The following NDST1 variants were observed in gnomAD, a reference collection of about 807,000 sequenced individuals.
NDST1 encodes bifunctional heparan sulfate N-deacetylase/N-sulfotransferase 1.
A neutral mutation model predicts 92.8 loss-of-function variants in NDST1; 35 were observed. That is an observed-to-expected ratio of 0.38 (90% CI 0.29 to 0.50). NDST1 has a LOEUF of 0.50. Ranked by LOEUF, NDST1 falls within the 20% of genes least tolerant of loss-of-function variation. The pLI is 0.94. For missense variants in NDST1, 822 were observed against 1,182.7 expected, an observed-to-expected ratio of 0.69 and a Z score of 4.47; for synonymous variants, 493 against 500.3, an observed-to-expected ratio of 0.99 and a Z score of 0.19.
rs1389308972 is a variant in NDST1, at chr5:150,539,544, T to C, written c.1566+188T>C. 2.8e-6 allele frequency: 4 copies of C among 1,451,254 alleles called. No homozygotes were observed. In the East Asian group the frequency reaches 1.0e-4, roughly 36 times the overall value. 89.9% of individuals were successfully genotyped at this position (1,451,254 alleles called of 1,614,324 possible). ...TGACCTTGGCTAAAGAATCCGAGCA[T>C]GCTTTTTTTTTCCTTTCCTAATCAT... On this transcript the variant is annotated intron_variant, in intron 7 of 14. Transcript: ENST00000261797.
Position 150,556,630 on chromosome 5 carries a change from T to A in NDST1, c.*3298T>A, listed in dbSNP as rs1581420088. Reference sequence around the variant, plus strand: ...ATGTATATGTTTTCTCTGTCCTAATTTAAAAGTACATTGCAAACATCATGA... The same window carrying A: ...ATGTATATGTTTTCTCTGTCCTAATATAAAAGTACATTGCAAACATCATGA... On this transcript the variant is annotated 3_prime_UTR_variant, in exon 15 of 15. Coordinates refer to ENST00000261797, the MANE Select transcript of NDST1 (RefSeq NM_001543.5). 1 of 152,234 alleles carries A rather than the reference T, an allele frequency of 6.6e-6. No homozygotes were observed. Among genetic ancestry groups the A allele is most frequent in the Non-Finnish European group, 1.5e-5 (1 of 68,050 alleles). 9.4% of individuals were successfully genotyped at this position (152,234 alleles called of 1,614,324 possible).
rs747089755 is a variant in NDST1 at position 150,535,781 on chromosome 5, G to A, written c.1333G>A (p.Glu445Lys). ...GVYPVHVQLY[E>K]AWKQVWSIRV... ...GTACCCCGTGCACGTGCAGCTGTAC[G>A]AGGCTTGGAAGCAGGTGTGGAGCAT... Residue 445 changes from glutamate to lysine, a missense_variant, in exon 6 of 15, where the codon GAG (glutamate) becomes AAG (lysine). Coordinates refer to ENST00000261797, the MANE Select transcript of NDST1 (RefSeq NM_001543.5). 5.6e-6 allele frequency: 9 copies of A among 1,614,100 alleles called. No individual in the cohort carries two copies. Among genetic ancestry groups the A allele is most frequent in the African/African-American group, 4.0e-5 (3 of 74,942 alleles).
At chr5:150,517,260 C>T (rs910417250) in intron 1 of NDST1, among the ~76,000 whole-genome samples, 3 of 151,678 alleles carry the variant, frequency 2.0e-5, no homozygotes, top group African/African-American at 4.8e-5. Flanking sequence ...AAGTGATCCT[C>T]CTGAGTAGCT....
chr5:150,552,394 A>G (rs762048560), intron 14 of NDST1, among the ~76,000 whole-genome samples: 28 of 152,216 alleles, frequency 1.8e-4, no homozygotes, highest in Non-Finnish European at 3.2e-4. Flanking sequence ...CATAGGGGGA[A>G]AAAAGAAATT....
intron 1 of NDST1, among the ~76,000 whole-genome samples, chr5:150,508,526 C>T (rs1333448396): frequency 1.3e-5 from 2 of 152,262 alleles, no homozygotes; most frequent in African/African-American, 4.8e-5. Context: ...AGGAAGGGCT[C>T]AGTTTCTCCT....
At chr5:150,548,192 T>G in intron 11 of NDST1, 26 bp from the exon 12 acceptor site, 1 of 1,614,100 alleles carries the variant, frequency 6.2e-7, no homozygotes, top group Non-Finnish European at 8.5e-7. Context: ...CCAAGTGGCA[T>G]GCTGACCCTC....
chr5:150,507,083 T>G (rs977062939), upstream of NDST1, among the ~76,000 whole-genome samples: 1 of 152,196 alleles, frequency 6.6e-6, no homozygotes, highest in Non-Finnish European at 1.5e-5. Flanking sequence ...CTGTCACCAC[T>G]GCTGGGCCTG....
At chr5:150,529,652 A>G (rs1381441457) in intron 3 of NDST1, among the ~76,000 whole-genome samples, 4 of 152,256 alleles carry the variant, frequency 2.6e-5, no homozygotes, top group African/African-American at 9.6e-5. Context: ...AATAAATCCA[A>G]TGAAAACAAA....
chr5:150,550,663 C>T (rs896841817), intron 13 of NDST1: 1 of 152,212 alleles, frequency 6.6e-6, no homozygotes, highest in African/African-American at 2.4e-5. Context: ...AGTTTTGCAA[C>T]AAGAATATTC....
chr5:150,539,546 C>CA, intron 7 of NDST1, 190 bp downstream of exon 7: 2 of 1,438,358 alleles, frequency 1.4e-6, no homozygotes, highest in Non-Finnish European at 9.1e-7. Context: ...TCCGAGCATG[C>CA]TTTTTTTTTC....
At chr5:150,537,490 G>A (rs1054379293) in intron 6 of NDST1, among the ~76,000 whole-genome samples, 2 of 152,122 alleles carry the variant, frequency 1.3e-5, no homozygotes, top group African/African-American at 2.4e-5. Flanking sequence ...AATAAGCCCC[G>A]GTCTCCCATA....
chr5:150,505,174 G>C (rs544565767), upstream of NDST1, among the ~76,000 whole-genome samples: 90 of 152,322 alleles, frequency 5.9e-4, no homozygotes, highest in African/African-American at 2.0e-3. Context: ...AACCACAGTG[G>C]TGGGCAGCTG....
upstream of NDST1, chr5:150,507,643 T>C (rs567731397): frequency 6.6e-6 from 1 of 152,498 alleles, no homozygotes; most frequent in East Asian, 1.9e-4. Context: ...GCCAGCATCA[T>C]AGACACTTTT....
intron 2 of NDST1, among the ~76,000 whole-genome samples, chr5:150,527,318 A>T (rs1394139410): frequency 6.6e-6 from 1 of 152,200 alleles, no homozygotes; most frequent in Non-Finnish European, 1.5e-5. Context: ...CCCTATTCTG[A>T]GCACGTTGCC....
intron 11 of NDST1, among the ~76,000 whole-genome samples, 153 bp from the exon 12 acceptor site, chr5:150,548,065 A>G (rs758893579): frequency 1.3e-5 from 2 of 152,152 alleles, no homozygotes; most frequent in African/African-American, 4.8e-5. Context: ...TTCCCTTGAC[A>G]CTGGACACAG....
Position 150,528,082 on chromosome 5 carries a change from C to G in NDST1, c.792C>G (p.Ala264=). ...CCGGCCTGCATGCTGCACTGCACGC[C>G]ACTGTGGTCCAGGACCTGGGCCTGC... ...ADAGLHAALH[A]TVVQDLGLHD... Residue 264 remains alanine (A), a synonymous_variant, in exon 3 of 15, where the codon GCC becomes GCG. Coordinates refer to ENST00000261797, the MANE Select transcript of NDST1 (RefSeq NM_001543.5). The G allele has an allele frequency of 6.2e-7, 1 of 1,613,788 alleles. No homozygotes were observed. Among genetic ancestry groups the G allele is most frequent in the Non-Finnish European group, 8.5e-7 (1 of 1,179,788 alleles).
intron 4 of NDST1, among the ~76,000 whole-genome samples, chr5:150,533,321 C>T (rs941564600): frequency 6.6e-6 from 1 of 152,214 alleles, no homozygotes; most frequent in East Asian, 1.9e-4. Flanking sequence ...CCTCTCCCTC[C>T]TATCTTTTAC....
intron 1 of NDST1, among the ~76,000 whole-genome samples, chr5:150,510,266 C>T (rs1753663299): frequency 6.6e-6 from 1 of 152,178 alleles, no homozygotes; most frequent in South Asian, 2.1e-4. Context: ...TTAACGTTGG[C>T]CGCCAGTAAG....
Position 150,551,831 on chromosome 5 carries a change from G to C in NDST1, c.2505G>C (p.Arg835=), listed in dbSNP as rs1755739770. The change falls in exon 14 of 15, where the codon CGG becomes CGC. Residue 835 remains arginine, a synonymous_variant. Coordinates refer to ENST00000261797, the MANE Select transcript of NDST1 (RefSeq NM_001543.5). ...AGTGTCTGGGCAAAAGCAAGGGCCG[G>C]AAATATCCCGAGATGGACTTGGATG... ...KTKCLGKSKG[R]KYPEMDLDSR... 2 of 1,613,446 alleles carry C rather than the reference G, an allele frequency of 1.2e-6. No individual in the cohort carries two copies. Among genetic ancestry groups the C allele is most frequent in the Admixed American group, 3.3e-5 (2 of 59,998 alleles).
Sources: gnomAD v4.1 joint callset for allele counts (sites outside exome capture counted in the v4.1 genomes callset) on GRCh38, gnomAD v4.1.1 for gene constraint, MANE v1.5 for transcripts, NCBI Gene and HGNC (gene_info 2026-07-23, HGNC 2026-07-21) for gene names.